PCDHAC2: variants seen among roughly 807,000 people sequenced by gnomAD.
PCDHAC2 encodes the protein protocadherin alpha subfamily C, 2.
PCDHAC2 carries 24 observed loss-of-function variants against 63.3 expected under a neutral mutation model. That is an observed-to-expected ratio of 0.38 (90% CI 0.27 to 0.53). The LOEUF (loss-of-function observed/expected upper bound fraction) is 0.53. PCDHAC2 is among the 20% of genes least tolerant of loss of function. The probability of loss-of-function intolerance (pLI) is 0.81; values close to 1 mark genes in which losing one functional copy is unlikely to be tolerated. For synonymous variants in PCDHAC2, 569 were observed against 529.4 expected, an observed-to-expected ratio of 1.07 and a Z score of -1.03; for missense variants, 1,181 against 1,275.2, an observed-to-expected ratio of 0.93 and a Z score of 1.12.
At chr5:140,969,514 G>T (rs2096339995) in intron 1 of PCDHAC2, 183 bp downstream of exon 1, 3 of 1,414,044 alleles carry the variant, frequency 2.1e-6, no homozygotes, top group Admixed American at 2.8e-5. Flanking sequence ...TAGCACTAAA[G>T]AATTGTTTTA....
At chr5:140,982,447 C>G (rs782801484) in intron 2 of PCDHAC2, 28 bp from the exon 3 acceptor site, 1 of 1,613,782 alleles carries the variant, frequency 6.2e-7, no homozygotes, top group South Asian at 1.1e-5. Flanking sequence ...ATGATCTAAC[C>G]GTTATCTGGG....
In PCDHAC2 at chr5:141,009,886, C is replaced by T. The variant is rs377373799; in HGVS notation, c.2973C>T (p.Thr991=). Residue 991 remains threonine (T), a synonymous_variant, in exon 4 of 4, where the codon ACC becomes ACT. Transcript: ENST00000289269. ...AGAAAAAGAAGAAGGGTAACAAGAC[C>T]CAGGAGAAAAAAGAGAAAGGGAACA... ...KKKKKKKGNK[T]QEKKEKGNST... is the part of the protein sequence containing the mutation. The T allele has an allele frequency of 9.0e-4, 1,444 of 1,612,840 alleles. 15 individuals are homozygous for T. The South Asian group carries it at 0.015, about 17-fold the overall frequency.
Position 140,969,293 on chromosome 5 carries a change from C to T in PCDHAC2, c.2527C>T (p.Leu843=). 6.2e-7 allele frequency: 1 copy of T among 1,614,188 alleles called. No homozygotes were observed. Among genetic ancestry groups the T allele is most frequent in the Admixed American group, 1.7e-5 (1 of 60,020 alleles). The change falls in exon 1 of 4, where the codon CTG becomes TTG. Residue 843 remains leucine (L), a synonymous_variant. Coordinates refer to ENST00000289269, the MANE Select transcript of PCDHAC2 (RefSeq NM_018899.6). ...CCAAAGTGGTCAGAATGCTGGGAAC[C>T]TGATTATTCTCAAAAATGAGGCTGT... ...TGQSGQNAGN[L]IILKNEAVSQ...
intron 3 of PCDHAC2, among the ~76,000 whole-genome samples, chr5:140,986,569 T>C (rs1006962446): frequency 7.2e-5 from 11 of 152,296 alleles, no homozygotes; most frequent in East Asian, 3.9e-4. Context: ...TTATCTGTTA[T>C]TGGTTTTTCC....
Position 140,968,134 on chromosome 5 carries a change from G to C in PCDHAC2, c.1368G>C (p.Lys456Asn). The change falls in exon 1 of 4, where the codon AAG (lysine) becomes AAC (asparagine). Residue 456 changes from lysine (K) to asparagine (N), a missense_variant. Lys to Asn is a moderately conservative substitution (Grantham distance 94). This residue lies in a region of PCDHAC2 where 968 missense variants were observed against 1,073.5 expected (regional missense o/e 0.90). Coordinates refer to ENST00000289269, the MANE Select transcript of PCDHAC2 (RefSeq NM_018899.6). The part of the protein sequence containing the change: ...IPQLTSLRTL[K>N]VEISDINDNP... ...AGCTCACATCCCTGCGTACACTGAA[G>C]GTTGAGATCTCTGACATCAATGACA... The C allele has an allele frequency of 6.2e-7, 1 of 1,614,146 alleles. No individual in the cohort carries two copies. Among genetic ancestry groups the C allele is most frequent in the Non-Finnish European group, 8.5e-7 (1 of 1,180,034 alleles).
chr5:141,005,451 C>G (rs1263058026), intron 3 of PCDHAC2, among the ~76,000 whole-genome samples: 1 of 151,986 alleles, frequency 6.6e-6, no homozygotes, highest in Non-Finnish European at 1.5e-5. Flanking sequence ...CGCCTGTAAT[C>G]CCAGCACTTT....
rs1554262820 is a variant in PCDHAC2, at chr5:141,010,243, G to A, written c.*306G>A. On this transcript the variant is annotated 3_prime_UTR_variant, in exon 4 of 4. Coordinates refer to ENST00000289269, the MANE Select transcript of PCDHAC2 (RefSeq NM_018899.6). The stretch of plus-strand genomic sequence containing the variant: ...TTCCCAGCCCCGCCAGTGAGAGGTT[G>A]GACTCTCTGCCCTGTGCTCCGGGGA... 1 of 1,551,890 alleles carries A rather than the reference G, an allele frequency of 6.4e-7. No individual in the cohort carries two copies. Among genetic ancestry groups the A allele is most frequent in the Non-Finnish European group, 8.7e-7 (1 of 1,147,036 alleles).
Position 141,011,614 on chromosome 5 carries a change from T to C in PCDHAC2, c.*1677T>C, listed in dbSNP as rs1268321894. On this transcript the variant is annotated 3_prime_UTR_variant, in exon 4 of 4. Transcript: ENST00000289269. ...GTGATTCAAGGAATTTTATTTATGG[T>C]CCAGCCAAGAGCCATCTCGTGCCAA... 5 of 153,774 alleles carry C rather than the reference T, an allele frequency of 3.3e-5. No individual in the cohort carries two copies. Among genetic ancestry groups the C allele is most frequent in the African/African-American group, 1.2e-4 (5 of 41,460 alleles). 9.5% of individuals were successfully genotyped at this position (153,774 alleles called of 1,614,324 possible). A position where few individuals can be genotyped will look rare whatever the true frequency, so the allele number is the denominator to read the frequency against.
chr5:140,979,157 A>G (rs2096837413), intron 2 of PCDHAC2, 150 bp downstream of exon 2: 9 of 1,429,186 alleles, frequency 6.3e-6, no homozygotes, highest in Non-Finnish European at 8.3e-6. Context: ...CCCCATGTTT[A>G]TTCCTTGAAA....
In PCDHAC2 at chr5:141,010,350, G is replaced by A; in HGVS notation, c.*413G>A. The A allele has an allele frequency of 6.6e-7, 1 of 1,515,722 alleles. No individual in the cohort carries two copies. Among genetic ancestry groups the A allele is most frequent in the Non-Finnish European group, 8.8e-7 (1 of 1,132,152 alleles). The allele number at this position is 1,515,722 out of a possible 1,614,324, so 93.9% of individuals were successfully genotyped here. A position where few individuals can be genotyped will look rare whatever the true frequency, so the allele number is the denominator to read the frequency against. ...GGGAGTTTGTGGCCACTGGGTATGT[G>A]TGGCTACCGCGGGTATGCGAGTGCC... is the stretch of plus-strand genomic sequence containing the variant. On this transcript the variant is annotated 3_prime_UTR_variant, in exon 4 of 4. Transcript: ENST00000289269.
At chr5:140,978,914 C>T (rs2096828574) in intron 1 of PCDHAC2, 35 bp from the exon 2 acceptor site, 5 of 1,613,852 alleles carry the variant, frequency 3.1e-6, no homozygotes, top group Non-Finnish European at 3.4e-6. Flanking sequence ...ATTGTCTTGT[C>T]ATTTTAACAG....
intron 3 of PCDHAC2, among the ~76,000 whole-genome samples, chr5:141,005,485 T>C (rs57509018): frequency 5.3e-5 from 8 of 151,370 alleles, no homozygotes; most frequent in Non-Finnish European, 1.0e-4. Context: ...GGGCGGATCA[T>C]GAGGTCAGGA....
At chr5:140,987,635 G>A (rs2097262928) in intron 3 of PCDHAC2, among the ~76,000 whole-genome samples, 3 of 152,176 alleles carry the variant, frequency 2.0e-5, no homozygotes, top group Non-Finnish European at 4.4e-5. Context: ...ATGAGATAAT[G>A]CACACATATT....
chr5:141,009,258 C>A (rs1311772308), intron 3 of PCDHAC2, among the ~76,000 whole-genome samples: 1 of 152,086 alleles, frequency 6.6e-6, no homozygotes, highest in Admixed American at 6.6e-5. Flanking sequence ...TGTTTGAGAC[C>A]AGCCTGGGCA....
rs555659207 is a variant in PCDHAC2, at chr5:140,967,475, C to T, written c.709C>T (p.Arg237Cys). 1 of 1,613,342 alleles carries T rather than the reference C, an allele frequency of 6.2e-7. No individual in the cohort carries two copies. Among genetic ancestry groups the T allele is most frequent in the South Asian group, 1.1e-5 (1 of 91,016 alleles). ...AGCCGTGGATGGGGGCATCCCAGCCCGCTCGGGTACGGCACAGATCTCTGT... is the reference window on the plus strand; with the variant it reads ...AGCCGTGGATGGGGGCATCCCAGCCTGCTCGGGTACGGCACAGATCTCTGT... ...LTAVDGGIPA[R>C]SGTAQISVRV... is the part of the protein sequence containing the mutation. The change falls in exon 1 of 4, where the codon CGC becomes TGC. Residue 237 changes from arginine to cysteine, a missense_variant. Arg to Cys is a radical substitution (Grantham distance 180, BLOSUM62 -3). Transcript: ENST00000289269.
Position 141,009,608 on chromosome 5 carries a change from G to T in PCDHAC2, c.2714-19G>T, listed in dbSNP as rs1350951999. On this transcript the variant is annotated intron_variant, in intron 3 of 3. Coordinates refer to ENST00000289269, the MANE Select transcript of PCDHAC2 (RefSeq NM_018899.6). Reference sequence around the variant, plus strand: ...CATGTGTTGACCCTGTTAATGATTTGTAATGTTTTGTCTTTCAGAACCAGA... The same window carrying T: ...CATGTGTTGACCCTGTTAATGATTTTTAATGTTTTGTCTTTCAGAACCAGA... 1 of 1,610,774 alleles carries T rather than the reference G, an allele frequency of 6.2e-7. No individual in the cohort carries two copies. The highest frequency in any genetic ancestry group is 2.2e-5 in the East Asian group (1 of 44,832).
intron 3 of PCDHAC2, among the ~76,000 whole-genome samples, chr5:141,000,391 CTCTCTATATA>C (rs1171335262): frequency 2.9e-3 from 162 of 56,578 alleles, no homozygotes; most frequent in African/African-American, 4.6e-3. Flanking sequence ...CTCTCTCTCT[CTCTCTATATA>C]TATATATATA....
Position 141,011,633 on chromosome 5 carries a change from G to C in PCDHAC2, c.*1696G>C, listed in dbSNP as rs988824031. On this transcript the variant is annotated 3_prime_UTR_variant, in exon 4 of 4. Coordinates refer to ENST00000289269, the MANE Select transcript of PCDHAC2 (RefSeq NM_018899.6). ...TTATGGTCCAGCCAAGAGCCATCTC[G>C]TGCCAAGACTTCTGCTGGCAAGGGA... 6.5e-6 allele frequency: 1 copy of C among 153,624 alleles called. No homozygotes were observed. Among genetic ancestry groups the C allele is most frequent in the Non-Finnish European group, 1.5e-5 (1 of 68,022 alleles). 9.5% of individuals were successfully genotyped at this position (153,624 alleles called of 1,614,324 possible). A position where few individuals can be genotyped will look rare whatever the true frequency, so the allele number is the denominator to read the frequency against.
intron 3 of PCDHAC2, among the ~76,000 whole-genome samples, chr5:141,005,731 A>AC (rs2098235322): frequency 6.7e-6 from 1 of 149,106 alleles, no homozygotes; most frequent in Non-Finnish European, 1.5e-5. Flanking sequence ...AAAAAAAAAA[A>AC]GAATGGATGA....
Sources: gnomAD v4.1 joint callset for allele counts (sites outside exome capture counted in the v4.1 genomes callset) on GRCh38, gnomAD v4.1.1 for gene constraint, gnomAD v4.1.1 regional missense constraint, MANE v1.5 for transcripts, NCBI Gene and HGNC (gene_info 2026-07-23, HGNC 2026-07-21) for gene names.